The following SLC35F3 variants were observed in gnomAD, a reference collection of about 807,000 sequenced individuals.
SLC35F3 encodes putative thiamine transporter SLC35F3.
In SLC35F3, 25 loss-of-function variants were observed where a neutral mutation model predicts 49.9. The ratio of observed to expected loss-of-function variants is 0.50; its 90% CI spans 0.37 to 0.70. The LOEUF (loss-of-function observed/expected upper bound fraction) is 0.70, where lower values mean the gene tolerates loss of function less well. Ranked by LOEUF, SLC35F3 falls within the 30% of genes least tolerant of loss-of-function variation. The pLI, the probability that SLC35F3 is intolerant of heterozygous loss-of-function variation, is 0.00. For synonymous variants in SLC35F3, 275 were observed against 265.4 expected (o/e 1.04, Z -0.35); for missense variants, 525 against 639.8 (o/e 0.82, Z 1.94).
chr1:233,942,379 A>ATATG (rs1459239936), intron 2 of SLC35F3, among the ~76,000 whole-genome samples: 1 of 152,118 alleles, frequency 6.6e-6, no homozygotes, highest in Admixed American at 6.5e-5. Context: ...GTGACCTGTG[A>ATATG]TATGAGCACT....
At chr1:233,929,994 A>G (rs766822271) in intron 2 of SLC35F3, among the ~76,000 whole-genome samples, 5 of 152,048 alleles carry the variant, frequency 3.3e-5, no homozygotes, top group Non-Finnish European at 5.9e-5. Flanking sequence ...AAATAGAGGA[A>G]TTTTAAGAGC....
intron 2 of SLC35F3, among the ~76,000 whole-genome samples, chr1:233,982,809 G>A (rs528374997): frequency 3.4e-4 from 52 of 152,180 alleles, no homozygotes; most frequent in African/African-American, 1.2e-3. Context: ...TTCTCTGATC[G>A]GGAGGGAGAC....
intron 5 of SLC35F3, among the ~76,000 whole-genome samples, chr1:234,317,616 T>C (rs1017081804): frequency 2.0e-5 from 3 of 152,148 alleles, no homozygotes; most frequent in Admixed American, 2.0e-4. Flanking sequence ...TACCATGTGT[T>C]CTGGGTTTGG....
intron 2 of SLC35F3, among the ~76,000 whole-genome samples, chr1:234,051,954 G>A (rs529593332): frequency 7.9e-5 from 12 of 152,294 alleles, no homozygotes; most frequent in East Asian, 3.9e-4. Context: ...ATTGATTTGC[G>A]TATGTTGAAC....
intron 2 of SLC35F3, among the ~76,000 whole-genome samples, chr1:234,117,868 A>G (rs1287352624): frequency 2.7e-5 from 4 of 150,844 alleles, no homozygotes; most frequent in African/African-American, 9.7e-5. Context: ...CCTGGGTGAC[A>G]GAGTGAGACT....
chr1:234,259,381 T>C (rs1667867217), intron 3 of SLC35F3, among the ~76,000 whole-genome samples: 1 of 151,998 alleles, frequency 6.6e-6, no homozygotes, highest in African/African-American at 2.4e-5. Context: ...AAGAAAGAAA[T>C]AGGGTTTTTA....
At chr1:234,304,048 T>TCTTTCCTTC (rs1458693582) in intron 3 of SLC35F3, among the ~76,000 whole-genome samples, 9 of 118,592 alleles carry the variant, frequency 7.6e-5, no homozygotes, top group Admixed American at 1.7e-4. Context: ...CTTCCTTCTT[T>TCTTTCCTTC]CTTTCCTTCC....
At chr1:234,198,828 A>G (rs775253533) in intron 2 of SLC35F3, among the ~76,000 whole-genome samples, 2 of 152,212 alleles carry the variant, frequency 1.3e-5, no homozygotes, top group Non-Finnish European at 2.9e-5. Flanking sequence ...TGTGGTCACC[A>G]TTCCCTGAAT....
chr1:234,243,149 T>C (rs980525868), intron 3 of SLC35F3, among the ~76,000 whole-genome samples: 1 of 152,062 alleles, frequency 6.6e-6, no homozygotes, highest in African/African-American at 2.4e-5. Context: ...GGTCAGGAGT[T>C]CAAGACCAGC....
intron 2 of SLC35F3, among the ~76,000 whole-genome samples, chr1:233,960,197 A>T (rs1662772145): frequency 6.6e-6 from 1 of 152,104 alleles, no homozygotes; most frequent in African/African-American, 2.4e-5. Flanking sequence ...TGCTGTTAAC[A>T]TGCCATCCGT....
At chr1:234,098,555 TTGG>T (rs1317706826) in intron 2 of SLC35F3, among the ~76,000 whole-genome samples, 2 of 147,918 alleles carry the variant, frequency 1.4e-5, no homozygotes, top group Non-Finnish European at 3.0e-5. Flanking sequence ...GTGGTGATTA[TTGG>T]TGGTGGTGGT....
intron 2 of SLC35F3, among the ~76,000 whole-genome samples, chr1:234,189,546 A>G (rs6665278): frequency 0.13 from 19,985 of 151,556 alleles, 3,941 homozygotes; most frequent in African/African-American, 0.43. Flanking sequence ...TAAAAAATTA[A>G]CAAAGCCTCC....
chr1:234,223,092 T>G (rs1667234396), intron 2 of SLC35F3, among the ~76,000 whole-genome samples: 1 of 152,200 alleles, frequency 6.6e-6, no homozygotes, highest in African/African-American at 2.4e-5. Flanking sequence ...ACAAACAGTA[T>G]TATTTAAGGC....
intron 2 of SLC35F3, among the ~76,000 whole-genome samples, chr1:233,983,117 G>A (rs12117596): frequency 0.13 from 20,290 of 152,118 alleles, 1,754 homozygotes; most frequent in Admixed American, 0.22. Flanking sequence ...AGTGCACCAA[G>A]AACAATAAAG....
intron 2 of SLC35F3, among the ~76,000 whole-genome samples, chr1:234,169,326 A>G (rs962573669): frequency 3.3e-5 from 5 of 152,208 alleles, no homozygotes; most frequent in Admixed American, 2.6e-4. Context: ...CCCTTAGCCC[A>G]GTCAAGCTGA....
chr1:234,226,121 AACTT>A (rs1471536588), intron 2 of SLC35F3, among the ~76,000 whole-genome samples: 1 of 152,226 alleles, frequency 6.6e-6, no homozygotes, highest in Non-Finnish European at 1.5e-5. Context: ...AATTTGCTAA[AACTT>A]ACTGAGTTGT....
At chr1:233,995,217 G>T (rs557375708) in intron 2 of SLC35F3, among the ~76,000 whole-genome samples, 2 of 152,308 alleles carry the variant, frequency 1.3e-5, no homozygotes, top group East Asian at 3.9e-4. Context: ...ACATATCCTT[G>T]ATCAAATACT....
chr1:234,069,893 C>A (rs1664687068), intron 2 of SLC35F3, among the ~76,000 whole-genome samples: 1 of 152,212 alleles, frequency 6.6e-6, no homozygotes, highest in South Asian at 2.1e-4. Context: ...GTGCTACATT[C>A]TGGCTGCCAG....
Position 234,305,297 on chromosome 1 carries a change from G to C in SLC35F3, c.609-3804G>C, listed in dbSNP as rs998892271. Reference sequence around the variant, plus strand: ...GTATTTGTCAAATAATATGAGTGCAGAACTTATAGATTTTTACCATTTTTT... The same window carrying C: ...GTATTTGTCAAATAATATGAGTGCACAACTTATAGATTTTTACCATTTTTT... On this transcript the variant is annotated intron_variant, in intron 3 of 7. Transcript: ENST00000366618. Among the ~76,000 whole-genome samples the C allele has an allele frequency of 3.3e-5, 5 of 151,854 alleles. No individual in the cohort carries two copies. The South Asian group carries it at 1.0e-3, about 32-fold the overall frequency.
Sources: gnomAD v4.1 joint callset for allele counts (sites outside exome capture counted in the v4.1 genomes callset) on GRCh38, gnomAD v4.1.1 for gene constraint, MANE v1.5 for transcripts, NCBI Gene and HGNC (gene_info 2026-07-23, HGNC 2026-07-21) for gene names.